The following CCSER1 variants were observed in gnomAD, a reference collection of about 807,000 sequenced individuals.
CCSER1 encodes serine-rich coiled-coil domain-containing protein 1.
CCSER1 carries 41 observed loss-of-function variants against 82.0 expected under a neutral mutation model. The observed-to-expected ratio is 0.50, with a 90% CI of 0.39 to 0.65. The LOEUF (loss-of-function observed/expected upper bound fraction) is 0.65, where lower values mean the gene tolerates loss of function less well. CCSER1 is among the 30% of genes least tolerant of loss of function. The pLI is 0.00. For synonymous variants in CCSER1, 414 were observed against 383.9 expected, an observed-to-expected ratio of 1.08 and a Z score of -0.92; for missense variants, 1,119 against 1,064.2, an observed-to-expected ratio of 1.05 and a Z score of -0.72.
At chr4:91,255,060 C>A (rs72877019) in intron 10 of CCSER1, among the ~76,000 whole-genome samples, 1,594 of 152,084 alleles carry the variant, frequency 0.01, 17 homozygotes, top group African/African-American at 0.036. Flanking sequence ...AAAGCAAACA[C>A]TGTCAAGCAG....
chr4:90,208,781 C>A (rs1251736526), intron 1 of CCSER1, among the ~76,000 whole-genome samples: 2 of 152,120 alleles, frequency 1.3e-5, no homozygotes, highest in African/African-American at 4.8e-5. Flanking sequence ...CCTTTTGCTT[C>A]CCAGGTGAGG....
chr4:90,334,042 G>A (rs966501565), intron 3 of CCSER1, among the ~76,000 whole-genome samples: 15 of 152,262 alleles, frequency 9.9e-5, no homozygotes, highest in East Asian at 1.9e-4. Context: ...TTCAGTATGC[G>A]ATCACCTTCT....
intron 4 of CCSER1, among the ~76,000 whole-genome samples, chr4:90,400,418 A>T (rs954243683): frequency 1.3e-5 from 2 of 152,198 alleles, no homozygotes; most frequent in African/African-American, 4.8e-5. Flanking sequence ...ATTAACAAAA[A>T]GTTTAATATT....
At chr4:90,449,444 G>C (rs899087249) in intron 4 of CCSER1, among the ~76,000 whole-genome samples, 14 of 152,182 alleles carry the variant, frequency 9.2e-5, no homozygotes, top group African/African-American at 3.4e-4. Flanking sequence ...CTTCACTGGG[G>C]ATCCACCCTT....
chr4:91,458,843 T>G (rs1184696541), intron 10 of CCSER1, among the ~76,000 whole-genome samples: 1 of 152,182 alleles, frequency 6.6e-6, no homozygotes, highest in Non-Finnish European at 1.5e-5. Flanking sequence ...GTACAATGAT[T>G]TTGTATCCTG....
intron 7 of CCSER1, among the ~76,000 whole-genome samples, chr4:90,728,509 G>A (rs1010137365): frequency 2.0e-5 from 3 of 152,142 alleles, no homozygotes; most frequent in African/African-American, 7.2e-5. Flanking sequence ...GGGGATAGAA[G>A]GGAGGAAGTA....
Position 91,486,391 on chromosome 4 carries a change from G to A in CCSER1, c.2218-112181G>A, listed in dbSNP as rs1012952084. ...TGTGGCAGATTAGAGACACTTTTTTGAAATATTACAATGCCTTTTAAAACT... is the reference window on the plus strand; with the variant it reads ...TGTGGCAGATTAGAGACACTTTTTTAAAATATTACAATGCCTTTTAAAACT... On this transcript the variant is annotated intron_variant, in intron 10 of 10. Coordinates refer to ENST00000509176, the MANE Select transcript of CCSER1 (RefSeq NM_001145065.2). 2.0e-5 allele frequency among the ~76,000 whole-genome samples: 3 copies of A among 151,740 alleles called. No individual in the cohort carries two copies. In the South Asian group the frequency reaches 6.2e-4, roughly 31 times the overall value.
At chr4:91,460,923 T>C (rs1216937442) in intron 10 of CCSER1, among the ~76,000 whole-genome samples, 5 of 152,208 alleles carry the variant, frequency 3.3e-5, no homozygotes, top group Non-Finnish European at 4.4e-5. Flanking sequence ...CTCTAACCTT[T>C]GGAATGAAAA....
intron 5 of CCSER1, among the ~76,000 whole-genome samples, chr4:90,617,539 G>C (rs1721517491): frequency 6.6e-6 from 1 of 152,116 alleles, no homozygotes; most frequent in African/African-American, 2.4e-5. Context: ...GAAGCACAAA[G>C]ATAAGAGTCC....
chr4:91,133,489 T>C (rs1204610881), intron 10 of CCSER1, among the ~76,000 whole-genome samples: 1 of 152,118 alleles, frequency 6.6e-6, no homozygotes, highest in African/African-American at 2.4e-5. Flanking sequence ...TTTTAAAATA[T>C]GGAAGTAGTG....
chr4:91,053,808 ATT>A (rs1743203380), intron 9 of CCSER1, among the ~76,000 whole-genome samples: 1 of 152,082 alleles, frequency 6.6e-6, no homozygotes, highest in Admixed American at 6.6e-5. Context: ...TATCTTATAA[ATT>A]TTTATGCATT....
intron 4 of CCSER1, among the ~76,000 whole-genome samples, chr4:90,415,113 A>ATTC (rs200827960): frequency 0.018 from 2,704 of 152,318 alleles, 47 homozygotes; most frequent in African/African-American, 0.036. Flanking sequence ...GAAGAAAGAA[A>ATTC]ATCAGTTGAA....
rs776202448 is a variant in CCSER1 at position 90,598,263 on chromosome 4, CTTTATTT to C, written c.1725-29750_1725-29744del. Among the ~76,000 whole-genome samples, 55 of 151,830 alleles carry C rather than the reference CTTTATTT, an allele frequency of 3.6e-4. No homozygotes were observed. In the Middle Eastern group the frequency reaches 0.01, roughly 28 times the overall value. ...CCAATTTATTTTTTTATTATTATTTCTTTATTTTTTATTTTTTAAATATACTTTAAGT... is the reference window on the plus strand; with the variant it reads ...CCAATTTATTTTTTTATTATTATTTCTTTATTTTTTAAATATACTTTAAGT... On this transcript the variant is annotated intron_variant, in intron 5 of 10. Coordinates refer to ENST00000509176, the MANE Select transcript of CCSER1 (RefSeq NM_001145065.2).
intron 10 of CCSER1, among the ~76,000 whole-genome samples, chr4:91,303,061 T>C (rs964586111): frequency 3.9e-5 from 6 of 151,984 alleles, no homozygotes; most frequent in African/African-American, 1.4e-4. Flanking sequence ...CATAAATTTA[T>C]CAATAAAAAA....
chr4:91,311,858 G>A (rs1482178224), intron 10 of CCSER1, among the ~76,000 whole-genome samples: 2 of 151,856 alleles, frequency 1.3e-5, no homozygotes, highest in Non-Finnish European at 2.9e-5. Context: ...ATAATGCAGA[G>A]AACATGTTTA....
chr4:90,481,143 A>G (rs965837742), intron 5 of CCSER1, among the ~76,000 whole-genome samples: 3 of 152,152 alleles, frequency 2.0e-5, no homozygotes, highest in African/African-American at 4.8e-5. Flanking sequence ...TGAAGCAATT[A>G]TGAATGGGAG....
intron 4 of CCSER1, among the ~76,000 whole-genome samples, chr4:90,441,473 G>A (rs1047213790): frequency 6.6e-6 from 1 of 151,926 alleles, no homozygotes; most frequent in Non-Finnish European, 1.5e-5. Context: ...ATCTCTCTGG[G>A]GTCTTTTTTT....
At chr4:90,338,658 C>T (rs1013627847) in intron 3 of CCSER1, among the ~76,000 whole-genome samples, 9 of 152,224 alleles carry the variant, frequency 5.9e-5, no homozygotes, top group Admixed American at 1.3e-4. Flanking sequence ...TCTGCATTTT[C>T]GTTTATACAA....
intron 10 of CCSER1, among the ~76,000 whole-genome samples, chr4:91,173,293 T>G (rs933168894): frequency 2.0e-5 from 3 of 152,062 alleles, no homozygotes; most frequent in African/African-American, 7.2e-5. Flanking sequence ...CAGAAAGACA[T>G]TAAGAAAAGT....
Sources: gnomAD v4.1 joint callset for allele counts (sites outside exome capture counted in the v4.1 genomes callset) on GRCh38, gnomAD v4.1.1 for gene constraint, MANE v1.5 for transcripts, NCBI Gene and HGNC (gene_info 2026-07-23, HGNC 2026-07-21) for gene names.